The following KCNH8 variants were observed in gnomAD, a reference collection of about 807,000 sequenced individuals.
KCNH8 encodes the protein voltage-gated delayed rectifier potassium channel KCNH8.
A neutral mutation model predicts 103.6 loss-of-function variants in KCNH8; 70 were observed. The observed-to-expected ratio is 0.68, with a 90% CI of 0.56 to 0.82. The LOEUF (loss-of-function observed/expected upper bound fraction) is 0.82, where lower values mean the gene tolerates loss of function less well. Ranked by LOEUF, KCNH8 falls within the 40% of genes least tolerant of loss-of-function variation. KCNH8 has a pLI of 0.00. For missense variants in KCNH8, 1,217 were observed against 1,329.9 expected (o/e 0.92, Z 1.32); for synonymous variants, 498 against 489.4 (o/e 1.02, Z -0.23).
At chr3:19,266,207 T>C (rs557668439) in intron 2 of KCNH8, among the ~76,000 whole-genome samples, 20 of 152,258 alleles carry the variant, frequency 1.3e-4, no homozygotes, top group Non-Finnish European at 1.3e-4. Flanking sequence ...AGTCCCAGCC[T>C]ACAATCTCTT....
intron 5 of KCNH8, among the ~76,000 whole-genome samples, chr3:19,375,966 C>A (rs1052982236): frequency 6.6e-6 from 1 of 152,168 alleles, no homozygotes; most frequent in South Asian, 2.1e-4. Flanking sequence ...TCTCAGATCT[C>A]CAGCTGTGTG....
intron 1 of KCNH8, among the ~76,000 whole-genome samples, chr3:19,178,749 T>TATTA (rs1203816200): frequency 6.6e-6 from 1 of 152,142 alleles, no homozygotes; most frequent in Non-Finnish European, 1.5e-5. Flanking sequence ...ATGGTTCAGG[T>TATTA]CTTGCATGTC....
chr3:19,272,726 A>C (rs2064606371), intron 2 of KCNH8, among the ~76,000 whole-genome samples: 2 of 152,136 alleles, frequency 1.3e-5, no homozygotes. Flanking sequence ...ATTCTTTAAG[A>C]ATGTCATGCT....
chr3:19,319,027 C>T (rs966293096), intron 3 of KCNH8, among the ~76,000 whole-genome samples: 1 of 151,048 alleles, frequency 6.6e-6, no homozygotes, highest in Non-Finnish European at 1.5e-5. Context: ...ATTTATTTTG[C>T]TGATTTATTT....
At chr3:19,308,663 T>C (rs1314625681) in intron 3 of KCNH8, among the ~76,000 whole-genome samples, 2 of 17,260 alleles carry the variant, frequency 1.2e-4, no homozygotes, top group Non-Finnish European at 2.6e-4. Context: ...TCTCTCTCTC[T>C]CTCTCTCTCT....
At chr3:19,329,528 A>C (rs1022785243) in intron 3 of KCNH8, among the ~76,000 whole-genome samples, 4 of 151,926 alleles carry the variant, frequency 2.6e-5, no homozygotes, top group Non-Finnish European at 5.9e-5. Context: ...TTTTCCTTTC[A>C]TTTTATTCTC....
intron 11 of KCNH8, among the ~76,000 whole-genome samples, chr3:19,504,587 A>G (rs1235921326): frequency 8.5e-5 from 13 of 152,164 alleles, no homozygotes; most frequent in African/African-American, 1.7e-4. Context: ...AAAAAGCTCA[A>G]TATCACTGAT....
intron 4 of KCNH8, among the ~76,000 whole-genome samples, chr3:19,347,066 G>C (rs542609712): frequency 6.6e-6 from 1 of 152,174 alleles, no homozygotes; most frequent in South Asian, 2.1e-4. Context: ...TTAAGCAACT[G>C]TTTCTTACTT....
chr3:19,407,592 G>A (rs2066712501), intron 7 of KCNH8, among the ~76,000 whole-genome samples: 1 of 151,932 alleles, frequency 6.6e-6, no homozygotes, highest in South Asian at 2.1e-4. Flanking sequence ...GTGCCCACTT[G>A]TCTGATTCAA....
At chr3:19,281,566 A>G (rs992418417) in intron 3 of KCNH8, among the ~76,000 whole-genome samples, 6 of 152,108 alleles carry the variant, frequency 3.9e-5, no homozygotes, top group Non-Finnish European at 8.8e-5. Flanking sequence ...TCCTATGCTA[A>G]TATGAGGAGG....
In KCNH8 at chr3:19,165,038, A is replaced by G. The variant is rs867934537; in HGVS notation, c.76+16243A>G. ...AGGGGTGGAATTACAAGAGACATGAAGAAACTTTTGGGGGTGATGGATATG... is the reference window on the plus strand; with the variant it reads ...AGGGGTGGAATTACAAGAGACATGAGGAAACTTTTGGGGGTGATGGATATG... On this transcript the variant is annotated intron_variant, in intron 1 of 15. Transcript: ENST00000328405. Among the ~76,000 whole-genome samples, 56 of 152,260 alleles carry G rather than the reference A, an allele frequency of 3.7e-4. 1 individual carries two copies. Among genetic ancestry groups the G allele is most frequent in the African/African-American group, 1.3e-3 (56 of 41,548 alleles).
intron 8 of KCNH8, among the ~76,000 whole-genome samples, chr3:19,447,025 C>A (rs187620250): frequency 1.6e-4 from 24 of 152,112 alleles, no homozygotes; most frequent in African/African-American, 5.5e-4. Context: ...GACGCCCACA[C>A]ACTCAGCAGG....
intron 11 of KCNH8, among the ~76,000 whole-genome samples, chr3:19,471,417 T>C (rs900729108): frequency 3.3e-5 from 5 of 152,160 alleles, no homozygotes; most frequent in Admixed American, 2.0e-4. Context: ...TTCTGGATAG[T>C]TGTTTAGGCC....
intron 7 of KCNH8, among the ~76,000 whole-genome samples, chr3:19,397,205 CA>C (rs933114926): frequency 4.0e-5 from 6 of 151,724 alleles, no homozygotes; most frequent in Non-Finnish European, 8.8e-5. Context: ...TATTATGGTT[CA>C]ATGTAATGAG....
intron 6 of KCNH8, among the ~76,000 whole-genome samples, chr3:19,391,931 A>G (rs1032762241): frequency 4.6e-5 from 7 of 151,968 alleles, no homozygotes; most frequent in African/African-American, 1.7e-4. Context: ...GGTTAAAAAA[A>G]TTTCCAAATT....
chr3:19,259,123 G>T (rs962616079), intron 2 of KCNH8, among the ~76,000 whole-genome samples: 12 of 151,018 alleles, frequency 7.9e-5, no homozygotes, highest in Non-Finnish European at 1.5e-4. Flanking sequence ...ACTCACAAAT[G>T]CATTCATTCT....
intron 5 of KCNH8, among the ~76,000 whole-genome samples, chr3:19,379,580 C>T (rs2066261546): frequency 6.6e-6 from 1 of 151,824 alleles, no homozygotes; most frequent in Admixed American, 6.6e-5. Context: ...GTGGAGGTTG[C>T]AGTGAGCTGA....
At chr3:19,418,677 C>T (rs1390192651) in intron 7 of KCNH8, among the ~76,000 whole-genome samples, 6 of 151,952 alleles carry the variant, frequency 3.9e-5, no homozygotes, top group Non-Finnish European at 8.8e-5. Context: ...TGAGTATGAC[C>T]CCTAAGACAT....
At chr3:19,302,739 A>G (rs774054868) in intron 3 of KCNH8, among the ~76,000 whole-genome samples, 3 of 152,100 alleles carry the variant, frequency 2.0e-5, no homozygotes, top group Non-Finnish European at 2.9e-5. Flanking sequence ...ACCCTTTATC[A>G]TATTTGTTAT....
Sources: gnomAD v4.1 joint callset for allele counts (sites outside exome capture counted in the v4.1 genomes callset) on GRCh38, gnomAD v4.1.1 for gene constraint, MANE v1.5 for transcripts, NCBI Gene and HGNC (gene_info 2026-07-23, HGNC 2026-07-21) for gene names.